The following ITGAM variants were observed in gnomAD, a reference collection of about 807,000 sequenced individuals.
ITGAM encodes the protein integrin subunit alpha M, also known as integrin alpha-M.
In ITGAM, 79 loss-of-function variants were observed where a neutral mutation model predicts 137.5. That is an observed-to-expected ratio of 0.57 (90% confidence interval 0.48 to 0.69). The LOEUF (loss-of-function observed/expected upper bound fraction) is 0.69, where lower values mean the gene tolerates loss of function less well. Among genes scored for constraint, ITGAM ranks in the 30% least tolerant of loss-of-function variants. ITGAM has a pLI of 0.00. For missense variants in ITGAM, 1,343 were observed against 1,483.5 expected (o/e 0.91, Z 1.56); for synonymous variants, 583 against 592.3 (o/e 0.98, Z 0.23).
intron 14 of ITGAM, among the ~76,000 whole-genome samples, chr16:31,298,294 CTTGAGCCTGGGAGG>C (rs2080159874): frequency 6.6e-6 from 1 of 151,438 alleles, no homozygotes; most frequent in South Asian, 2.1e-4. Context: ...CGGAGGATTA[CTTGAGCCTGGGAGG>C]TTGAGGCTGC....
chr16:31,283,946 A>C (rs1357090651), intron 12 of ITGAM, among the ~76,000 whole-genome samples: 1 of 152,222 alleles, frequency 6.6e-6, no homozygotes, highest in East Asian at 1.9e-4. Context: ...TCCTTCTAAC[A>C]GTCAGGACCA....
Position 31,271,007 on chromosome 16 carries a change from A to G in ITGAM, c.481A>G (p.Ile161Val), listed in dbSNP as rs201875796. 3 of 1,592,912 alleles carry G rather than the reference A, an allele frequency of 1.9e-6. No individual in the cohort carries two copies. Among genetic ancestry groups the G allele is most frequent in the African/African-American group, 2.7e-5 (2 of 74,400 alleles). ...IAFLIDGSGS[I>V]IPHDFRRMKE... Reference sequence around the variant, plus strand: ...CTTCTTGATTGATGGCTCTGGTAGCATCATCCCACATGACTTTCGGCGGAT... The same window carrying G: ...CTTCTTGATTGATGGCTCTGGTAGCGTCATCCCACATGACTTTCGGCGGAT... Residue 161 changes from isoleucine to valine, a missense_variant, in exon 6 of 30, where the codon ATC becomes GTC. Transcript: ENST00000544665.
intron 7 of ITGAM, 83 bp from the exon 8 acceptor site, chr16:31,273,278 AGAGT>A (rs2079870959): frequency 1.7e-6 from 2 of 1,175,340 alleles, no homozygotes; most frequent in Non-Finnish European, 2.4e-6. Context: ...CCTGGATAAC[AGAGT>A]GAGTGTCTAT....
intron 14 of ITGAM, among the ~76,000 whole-genome samples, chr16:31,300,110 C>T (rs184812877): frequency 1.8e-4 from 28 of 152,236 alleles, no homozygotes; most frequent in Admixed American, 1.1e-3. Context: ...TAATATCCCA[C>T]TGTATGTATA....
chr16:31,299,655 T>C (rs989046997), intron 14 of ITGAM, among the ~76,000 whole-genome samples: 5 of 152,200 alleles, frequency 3.3e-5, no homozygotes, highest in Non-Finnish European at 1.5e-5. Flanking sequence ...CACGCCGTAT[T>C]CATCCTTTGG....
chr16:31,326,797 C>A, intron 21 of ITGAM, 59 bp from the exon 22 acceptor site: 1 of 1,122,114 alleles, frequency 8.9e-7, no homozygotes, highest in Non-Finnish European at 1.4e-6. Context: ...AGATGACGGG[C>A]ATTTGGGTTA....
At chr16:31,330,245 C>A (rs2080562364) in intron 26 of ITGAM, 63 bp from the exon 27 acceptor site, 1 of 1,585,192 alleles carries the variant, frequency 6.3e-7, no homozygotes, top group South Asian at 1.1e-5. Flanking sequence ...TCTGAGCAAA[C>A]GGGGAGGGGT....
intron 7 of ITGAM, among the ~76,000 whole-genome samples, chr16:31,272,862 C>T (rs1438584330): frequency 1.3e-5 from 2 of 151,982 alleles, no homozygotes; most frequent in East Asian, 3.9e-4. Flanking sequence ...ACCGTGAAGG[C>T]TTCCTTTCCC....
At chr16:31,276,591 C>A (rs1192345390) in intron 9 of ITGAM, 80 bp from the exon 10 acceptor site, 39 of 1,003,138 alleles carry the variant, frequency 3.9e-5, no homozygotes, top group Non-Finnish European at 5.7e-5. Flanking sequence ...CTCAGGCTCT[C>A]AAAATGTTGG....
At chr16:31,284,754 A>T (rs2080009800) in intron 12 of ITGAM, among the ~76,000 whole-genome samples, 1 of 152,128 alleles carries the variant, frequency 6.6e-6, no homozygotes, top group African/African-American at 2.4e-5. Flanking sequence ...AGTGAGATGA[A>T]CCCAGTACCT....
At chr16:31,268,406 A>T (rs2079793354) in intron 5 of ITGAM, among the ~76,000 whole-genome samples, 1 of 152,180 alleles carries the variant, frequency 6.6e-6, no homozygotes, top group African/African-American at 2.4e-5. Flanking sequence ...TCACACCTGT[A>T]ATTCCAGCAC....
intron 14 of ITGAM, among the ~76,000 whole-genome samples, chr16:31,318,623 C>T (rs185042446): frequency 1.5e-4 from 23 of 152,228 alleles, no homozygotes; most frequent in South Asian, 4.1e-4. Context: ...GGATTGCAGG[C>T]GTGAGCCACT....
chr16:31,324,068 A>G lies in ITGAM; in HGVS notation c.2003-331A>G, dbSNP rs1159447956. On this transcript the variant is annotated intron_variant, in intron 16 of 29. Transcript: ENST00000544665. The surrounding 1 kb of genome is among the most constrained non-coding windows in gnomAD (Gnocchi z 4.5). ...AAGGAAGGAAGAAGGGAAGGAAGGA[A>G]AGGAAGGAAAGTAGGAAAGGAAGGA... Among the ~76,000 whole-genome samples the G allele has an allele frequency of 6.6e-6, 1 of 151,068 alleles. No individual in the cohort carries two copies. The highest frequency in any genetic ancestry group is 2.4e-5 in the African/African-American group (1 of 41,120).
chr16:31,312,841 T>C (rs1311333717), intron 14 of ITGAM, among the ~76,000 whole-genome samples: 1 of 151,962 alleles, frequency 6.6e-6, no homozygotes, highest in African/African-American at 2.4e-5. Context: ...ATGCTTAGGC[T>C]GGTCCGTCCT....
chr16:31,302,924 CTTTCTTTCTTTCTT>C (rs1185849836), intron 14 of ITGAM, among the ~76,000 whole-genome samples: 1 of 12,640 alleles, frequency 7.9e-5, no homozygotes, highest in African/African-American at 3.0e-4. Context: ...CTCCCTCTTT[CTTTCTTTCTTTCTT>C]TCTTTCTTTC....
chr16:31,319,002 ATG>A (rs950462848), intron 14 of ITGAM, among the ~76,000 whole-genome samples: 3 of 151,520 alleles, frequency 2.0e-5, no homozygotes, highest in African/African-American at 7.3e-5. Flanking sequence ...TTACATATGT[ATG>A]TTTTTTTCCA....
rs751704617 is a variant in ITGAM, at chr16:31,325,015, A to G, written c.2347A>G (p.Thr783Ala). 1 of 1,612,858 alleles carries G rather than the reference A, an allele frequency of 6.2e-7. No homozygotes were observed. The highest frequency in any genetic ancestry group is 8.5e-7 in the Non-Finnish European group (1 of 1,179,526). ...CATCTGCCAGGATGACCTCAGCATC[A>G]CCTTCAGTTTCATGAGGTGAGTTTC... The part of the protein sequence containing the change: ...DNICQDDLSI[T>A]FSFMSLDCLV... The change falls in exon 19 of 30, where the codon ACC becomes GCC. Residue 783 changes from threonine (T) to alanine (A), a missense_variant. By Grantham distance (58) the Thr-to-Ala change is moderately conservative (BLOSUM62 0). Transcript: ENST00000544665.
chr16:31,316,499 C>T (rs1159696646), intron 14 of ITGAM, among the ~76,000 whole-genome samples: 3 of 151,864 alleles, frequency 2.0e-5, no homozygotes, highest in Non-Finnish European at 4.4e-5. Context: ...CAGTGTCATG[C>T]TGTTTTGCTG....
intron 12 of ITGAM, among the ~76,000 whole-genome samples, chr16:31,288,458 T>C (rs1461114527): frequency 6.6e-6 from 1 of 152,144 alleles, no homozygotes; most frequent in Non-Finnish European, 1.5e-5. Context: ...ATTCCACATG[T>C]CTACAACCAT....
Sources: allele counts gnomAD v4.1 joint callset (sites outside exome capture counted in the v4.1 genomes callset), GRCh38; gene constraint gnomAD v4.1.1; non-coding constraint Gnocchi (gnomAD v3.1); transcripts MANE v1.5; gene names NCBI Gene and HGNC (gene_info 2026-07-23, HGNC 2026-07-21).